LPP: variants seen among roughly 807,000 people sequenced by gnomAD.
LPP encodes the protein lipoma-preferred partner.
In LPP, 38 loss-of-function variants were observed where a neutral mutation model predicts 60.4. The ratio of observed to expected loss-of-function variants is 0.63; its 90% CI spans 0.49 to 0.83. LPP has a LOEUF of 0.83. Ranked by LOEUF, LPP falls within the 40% of genes least tolerant of loss-of-function variation. The probability of loss-of-function intolerance (pLI) is 0.00; values close to 1 mark genes in which losing one functional copy is unlikely to be tolerated. For missense variants in LPP, 902 were observed against 783.6 expected (o/e 1.15, Z -1.80); for synonymous variants, 328 against 290.8 (o/e 1.13, Z -1.30).
chr3:188,660,729 G>A (rs771831261), intron 7 of LPP, among the ~76,000 whole-genome samples: 23 of 151,674 alleles, frequency 1.5e-4, no homozygotes, highest in African/African-American at 2.9e-4. Context: ...GAAAATACAA[G>A]CAAGTTCCCA....
intron 1 of LPP, among the ~76,000 whole-genome samples, chr3:188,196,439 C>T (rs768066505): frequency 2.4e-4 from 36 of 152,178 alleles, no homozygotes; most frequent in Non-Finnish European, 4.9e-4. Context: ...TGACTGTCCT[C>T]AGTCTTACAG....
chr3:188,760,818 G>T (rs532586345), intron 9 of LPP, among the ~76,000 whole-genome samples: 1 of 152,108 alleles, frequency 6.6e-6, no homozygotes, highest in Non-Finnish European at 1.5e-5. Context: ...GCAAACAGGG[G>T]AACTGTTTAT....
rs1401319172 is a variant in LPP at position 188,890,322 on chromosome 3, T to C, written c.*15843T>C. On this transcript the variant is annotated 3_prime_UTR_variant, in exon 12 of 12. Coordinates refer to ENST00000617246, the MANE Select transcript of LPP (RefSeq NM_001375462.1). ...GTGTGATACTGACAGAGCCATGGTA[T>C]TCCTAAAATATAGGTTTCTCTTTTT... 1 of 207,020 alleles carries C rather than the reference T, an allele frequency of 4.8e-6. No individual in the cohort carries two copies. 12.8% of individuals were successfully genotyped at this position (207,020 alleles called of 1,614,324 possible).
At chr3:188,565,448 T>C (rs1250569094) in intron 6 of LPP, among the ~76,000 whole-genome samples, 2 of 152,016 alleles carry the variant, frequency 1.3e-5, no homozygotes, top group African/African-American at 2.4e-5. Context: ...GTTCCACTAG[T>C]ATTTAGTTTT....
chr3:188,293,355 A>G (rs1439110462), intron 2 of LPP, among the ~76,000 whole-genome samples: 2 of 152,230 alleles, frequency 1.3e-5, no homozygotes, highest in Non-Finnish European at 2.9e-5. Context: ...GGAGCCCACA[A>G]TCTAGCTATA....
At chr3:188,569,513 A>G (rs1396090548) in intron 6 of LPP, among the ~76,000 whole-genome samples, 1 of 150,674 alleles carries the variant, frequency 6.6e-6, no homozygotes, top group Non-Finnish European at 1.5e-5. Flanking sequence ...TTCTGATATT[A>G]AAAATTATAA....
chr3:188,848,918 A>T (rs1361911704), intron 9 of LPP, among the ~76,000 whole-genome samples: 2 of 151,416 alleles, frequency 1.3e-5, no homozygotes, highest in Non-Finnish European at 2.9e-5. Flanking sequence ...GTGAGCTGAG[A>T]TCTCACCACT....
chr3:188,683,540 T>C (rs1859990330), intron 7 of LPP, among the ~76,000 whole-genome samples: 1 of 152,210 alleles, frequency 6.6e-6, no homozygotes, highest in Admixed American at 6.5e-5. Flanking sequence ...GCCTGGTTTC[T>C]TAGGGAAATA....
At chr3:188,276,976 T>C (rs537854890) in intron 2 of LPP, among the ~76,000 whole-genome samples, 2 of 140,986 alleles carry the variant, frequency 1.4e-5, no homozygotes, top group Non-Finnish European at 3.0e-5. Flanking sequence ...TGATCTTAGC[T>C]GACTGCAACC....
At chr3:188,505,872 G>A (rs199873550) in intron 5 of LPP, among the ~76,000 whole-genome samples, 1 of 151,894 alleles carries the variant, frequency 6.6e-6, no homozygotes, top group South Asian at 2.1e-4. Context: ...TCTTCCTTTG[G>A]CTTTTCCACA....
rs748550337 is a variant in LPP, at chr3:188,781,916, A to AC, written c.1410+21640dup. Among the ~76,000 whole-genome samples the AC allele has an allele frequency of 2.7e-3, 396 of 145,560 alleles. 1 individual carries two copies. The highest frequency in any genetic ancestry group is 4.6e-3 in the Non-Finnish European group (302 of 66,030). On this transcript the variant is annotated intron_variant, in intron 9 of 11. Transcript: ENST00000617246. ...CAAAAAAAAAAAAAAAAAATCTATCACCCCCCTTGATTCACTTACCTCCCA... is the reference window on the plus strand; with the variant it reads ...CAAAAAAAAAAAAAAAAAATCTATCACCCCCCCTTGATTCACTTACCTCCCA...
chr3:188,207,388 C>T (rs1006734627), intron 1 of LPP, among the ~76,000 whole-genome samples: 8 of 151,732 alleles, frequency 5.3e-5, no homozygotes, highest in East Asian at 1.9e-4. Flanking sequence ...CACACCACCA[C>T]GCCTGTTTAG....
At position 188,563,733 on chromosome 3, in the gene LPP, T is replaced by TG. The variant is rs1379841450; in HGVS notation, c.429+38946_429+38947insG. ...AATTGCTTGTGTTTTTTTTTGTTTT[T>TG]TTTTTGTTTTTTTGAGATTATCAAA... On this transcript the variant is annotated intron_variant, in intron 6 of 11. Coordinates refer to ENST00000617246, the MANE Select transcript of LPP (RefSeq NM_001375462.1). Among the ~76,000 whole-genome samples, 6 of 150,706 alleles carry TG rather than the reference T, an allele frequency of 4.0e-5. No homozygotes were observed. In the East Asian group the frequency reaches 7.8e-4, roughly 20 times the overall value.
chr3:188,699,955 C>T (rs952320505), intron 7 of LPP, among the ~76,000 whole-genome samples: 1 of 152,062 alleles, frequency 6.6e-6, no homozygotes, highest in South Asian at 2.1e-4. Flanking sequence ...GGGAAAAGAA[C>T]GAAAATATCA....
chr3:188,387,268 G>A (rs9864529), intron 3 of LPP, among the ~76,000 whole-genome samples: 78,621 of 151,634 alleles, frequency 0.52, 20,571 homozygotes, highest in East Asian at 0.67. Flanking sequence ...AGATACAGGT[G>A]CAATCTATCA....
intron 3 of LPP, among the ~76,000 whole-genome samples, chr3:188,368,692 A>T (rs1285348649): frequency 9.5e-6 from 1 of 104,746 alleles, no homozygotes; most frequent in African/African-American, 4.5e-5. Context: ...TCACACACAC[A>T]CACACACACA....
chr3:188,780,088 G>A (rs898955493), intron 9 of LPP, among the ~76,000 whole-genome samples: 9 of 152,146 alleles, frequency 5.9e-5, no homozygotes, highest in South Asian at 2.1e-4. Context: ...ACACCTATAC[G>A]TCAGTTAGCT....
intron 4 of LPP, among the ~76,000 whole-genome samples, chr3:188,407,517 G>A (rs1263197728): frequency 6.6e-6 from 1 of 152,184 alleles, no homozygotes; most frequent in African/African-American, 2.4e-5. Context: ...GTACAAGAAC[G>A]AGACCCTCAG....
chr3:188,342,234 C>T (rs1418551602), intron 3 of LPP, among the ~76,000 whole-genome samples: 1 of 152,150 alleles, frequency 6.6e-6, no homozygotes, highest in African/African-American at 2.4e-5. Context: ...TCCAAAGCCA[C>T]AACAGAAAAA....
Sources: gnomAD v4.1 joint callset for allele counts (sites outside exome capture counted in the v4.1 genomes callset) on GRCh38, gnomAD v4.1.1 for gene constraint, MANE v1.5 for transcripts, NCBI Gene and HGNC (gene_info 2026-07-23, HGNC 2026-07-21) for gene names.